Variants in UGT1A8 observed in about 807,000 individuals in gnomAD.
The protein encoded by UGT1A8 is UDP-glucuronosyltransferase 1A8.
Under a neutral mutation model 45.3 loss-of-function variants are expected in UGT1A8, and 39 were observed. The observed-to-expected ratio is 0.86, with a 90% CI of 0.67 to 1.12. The LOEUF (loss-of-function observed/expected upper bound fraction) is 1.12. Ranked by LOEUF, UGT1A8 falls within the 50% of genes most tolerant of loss-of-function variation. The pLI is 0.00. For missense variants in UGT1A8, 719 were observed against 664.9 expected (o/e 1.08, Z -0.90); for synonymous variants, 275 against 249.2 (o/e 1.10, Z -0.97).
chr2:233,729,899 G>A (rs780527869), intron 1 of UGT1A8: 13 of 1,613,938 alleles, frequency 8.1e-6, no homozygotes, highest in East Asian at 6.7e-5. Context: ...TGGCTGTTCC[G>A]AGGGGACTTT....
intron 1 of UGT1A8, chr2:233,712,893 T>G (rs2076259922): frequency 6.2e-7 from 1 of 1,605,864 alleles, no homozygotes; most frequent in East Asian, 2.2e-5. Flanking sequence ...ACATGTTGAT[T>G]TGCTAGGTGT....
intron 1 of UGT1A8, among the ~76,000 whole-genome samples, chr2:233,744,592 A>ATC (rs938838610): frequency 2.6e-5 from 4 of 151,912 alleles, no homozygotes; most frequent in East Asian, 1.9e-4. Context: ...CAGTTTTTGC[A>ATC]TCTCTCTTTA....
Position 233,752,763 on chromosome 2 carries a change from A to C in UGT1A8, c.856-14271A>C, listed in dbSNP as rs182475075. Among the ~76,000 whole-genome samples, 215 of 152,376 alleles carry C rather than the reference A, an allele frequency of 1.4e-3. 1 individual carries two copies. Among genetic ancestry groups the C allele is most frequent in the African/African-American group, 4.9e-3 (204 of 41,592 alleles). On this transcript the variant is annotated intron_variant, in intron 1 of 4. Coordinates refer to ENST00000373450, the MANE Select transcript of UGT1A8 (RefSeq NM_019076.5). Reference sequence around the variant, plus strand: ...CTGTCTCTAAAACAAACAAACAAACAAACAAACAATAACCAAACAAGCTTT... The same window carrying C: ...CTGTCTCTAAAACAAACAAACAAACCAACAAACAATAACCAAACAAGCTTT...
chr2:233,754,758 C>T (rs1438461710), intron 1 of UGT1A8: 1 of 879,896 alleles, frequency 1.1e-6, no homozygotes, highest in Non-Finnish European at 1.7e-6. Context: ...GGAAGAAAGG[C>T]CCCCACTTCC....
chr2:233,761,077 T>A, intron 1 of UGT1A8: 1 of 1,614,202 alleles, frequency 6.2e-7, no homozygotes, highest in Non-Finnish European at 8.5e-7. Flanking sequence ...TGTGAAGGAT[T>A]ACCCTAGGCC....
In UGT1A8 at chr2:233,769,692, A is replaced by G; in HGVS notation, c.1295+1253A>G. On this transcript the variant is annotated intron_variant, in intron 4 of 4. Transcript: ENST00000373450. The surrounding 1 kb of genome is among the most constrained non-coding windows in gnomAD (Gnocchi z 4.4). ...GCTAATGTGTGTGTGGTGGCACTGG[A>G]TAAAAGATCAATGTTGGCTAGGCAC... 1.9e-6 allele frequency: 3 copies of G among 1,542,672 alleles called. No individual in the cohort carries two copies. Among genetic ancestry groups the G allele is most frequent in the Non-Finnish European group, 2.6e-6 (3 of 1,143,658 alleles).
chr2:233,739,902 C>T (rs1181002925), intron 1 of UGT1A8, among the ~76,000 whole-genome samples: 2 of 151,866 alleles, frequency 1.3e-5, no homozygotes, highest in Non-Finnish European at 2.9e-5. Context: ...AATCTCATCT[C>T]ATATTGTAAT....
intron 1 of UGT1A8, chr2:233,717,692 T>TTC: frequency 2.3e-6 from 1 of 443,544 alleles, no homozygotes; most frequent in Non-Finnish European, 4.6e-6. Context: ...AGGAGTGACT[T>TTC]TCTGGAGCAG....
intron 1 of UGT1A8, among the ~76,000 whole-genome samples, chr2:233,764,312 GA>G (rs1174079806): frequency 1.3e-5 from 2 of 152,150 alleles, no homozygotes; most frequent in East Asian, 3.8e-4. Flanking sequence ...AAGTTTAAGG[GA>G]AGCTTTGCCA....
intron 1 of UGT1A8, 61 bp from the exon 2 acceptor site, chr2:233,766,972 CT>C: frequency 6.2e-7 from 1 of 1,611,258 alleles, no homozygotes; most frequent in Non-Finnish European, 8.5e-7. Context: ...TCATAACTTA[CT>C]GTATGTAGTC....
chr2:233,717,158 G>T (rs75491591), intron 1 of UGT1A8, among the ~76,000 whole-genome samples: 2,054 of 152,298 alleles, frequency 0.013, 54 homozygotes, highest in African/African-American at 0.047. Context: ...GAACATGGGA[G>T]CCCCTTGAAT....
chr2:233,633,534 T>A (rs1175828469), intron 1 of UGT1A8, among the ~76,000 whole-genome samples: 4 of 152,230 alleles, frequency 2.6e-5, no homozygotes, highest in African/African-American at 9.6e-5. Flanking sequence ...TGGTTTAGTC[T>A]TGGGAGGATA....
At chr2:233,718,724 G>T (rs1307207827) in intron 1 of UGT1A8, 4 of 1,610,176 alleles carry the variant, frequency 2.5e-6, no homozygotes, top group Non-Finnish European at 3.4e-6. Flanking sequence ...ATGCTGATTT[G>T]CTAGGTGGCT....
intron 4 of UGT1A8, chr2:233,771,347 C>T (rs1700292038): frequency 6.6e-6 from 1 of 152,046 alleles, no homozygotes; most frequent in South Asian, 2.1e-4. Context: ...CCTGTAGCAC[C>T]AAGGGTTGAA....
rs779879780 is a variant in UGT1A8 at position 233,772,123 on chromosome 2, AACAAC to A, written c.1296-137_1296-133del. ...GCAAGACTCTGTATCTAAAAACAAC[AACAAC>A]AACAATAATAGAAACAGGTTTCCTT... On this transcript the variant is annotated intron_variant, in intron 4 of 4. Transcript: ENST00000373450. 9.6e-4 allele frequency: 1,484 copies of A among 1,538,280 alleles called. 5 individuals are homozygous for A. The highest frequency in any genetic ancestry group is 4.4e-3 in the Admixed American group (222 of 50,484).
intron 1 of UGT1A8, among the ~76,000 whole-genome samples, chr2:233,667,607 G>T (rs1168318735): frequency 6.6e-6 from 1 of 152,120 alleles, no homozygotes; most frequent in Non-Finnish European, 1.5e-5. Context: ...CTTACAGAAT[G>T]GGAGAAAATT....
In UGT1A8 at chr2:233,747,168, G is replaced by C. The variant is rs1693578395; in HGVS notation, c.856-19866G>C. 4 of 1,593,782 alleles carry C rather than the reference G, an allele frequency of 2.5e-6. No homozygotes were observed. The South Asian group carries it at 4.5e-5, about 18-fold the overall frequency. On this transcript the variant is annotated intron_variant, in intron 1 of 4. Coordinates refer to ENST00000373450, the MANE Select transcript of UGT1A8 (RefSeq NM_019076.5). ...TAAGATGAAGAAAACAAATGTAGGA[G>C]GCACAGCGTGGGGTGGACAGTCAGC...
chr2:233,682,652 G>A, intron 1 of UGT1A8: 1 of 1,613,872 alleles, frequency 6.2e-7, no homozygotes. Context: ...CCAAACCCCT[G>A]TCACGGCATA....
At chr2:233,679,600 A>G (rs184238893) in intron 1 of UGT1A8, among the ~76,000 whole-genome samples, 52 of 152,000 alleles carry the variant, frequency 3.4e-4, no homozygotes, top group African/African-American at 1.2e-3. Context: ...TGTCATCTGT[A>G]TTAAAACCCT....
Sources: gnomAD v4.1 joint callset for allele counts (sites outside exome capture counted in the v4.1 genomes callset) on GRCh38, gnomAD v4.1.1 for gene constraint, Gnocchi (gnomAD v3.1) non-coding constraint, MANE v1.5 for transcripts, NCBI Gene and HGNC (gene_info 2026-07-23, HGNC 2026-07-21) for gene names.